The following ACTR3C variants were observed in gnomAD, a reference collection of about 807,000 sequenced individuals.
ACTR3C encodes the protein actin-related protein 3C.
Under a neutral mutation model 26.3 loss-of-function variants are expected in ACTR3C, and 18 were observed. The ratio of observed to expected loss-of-function variants is 0.68; its 90% CI spans 0.47 to 1.01. The LOEUF is 1.01. Among genes scored for constraint, ACTR3C ranks in the 50% least tolerant of loss-of-function variants. ACTR3C has a pLI of 0.00. For synonymous variants in ACTR3C, 55 were observed against 94.5 expected, an observed-to-expected ratio of 0.58 and a Z score of 2.42; for missense variants, 184 against 250.7, an observed-to-expected ratio of 0.73 and a Z score of 1.80.
At chr7:149,954,446 T>C in the ACTR3C span, among the ~76,000 whole-genome samples, 508 of 152,308 alleles carry the variant, frequency 3.3e-3, 25 homozygotes, top group East Asian at 0.088. Flanking sequence ...CTGCACATAT[T>C]TGGGGGGACA....
At chr7:150,011,293 G>C in the ACTR3C span, among the ~76,000 whole-genome samples, 13 of 151,786 alleles carry the variant, frequency 8.6e-5, no homozygotes, top group Admixed American at 8.5e-4. Context: ...ATTTGGCTTA[G>C]AAATAAATGC....
chr7:150,199,674 T>A, the ACTR3C span, among the ~76,000 whole-genome samples: 2 of 73,014 alleles, frequency 2.7e-5, no homozygotes, highest in African/African-American at 5.0e-5. Context: ...AAAACATTAA[T>A]AGTACAAGAA....
chr7:150,039,266 T>C, the ACTR3C span, among the ~76,000 whole-genome samples: 1 of 147,976 alleles, frequency 6.8e-6, no homozygotes, highest in African/African-American at 2.5e-5. Context: ...AATCTCTGCC[T>C]CGGGGGGGTG....
the ACTR3C span, among the ~76,000 whole-genome samples, chr7:149,922,818 C>T: frequency 6.6e-6 from 1 of 151,734 alleles, no homozygotes; most frequent in Non-Finnish European, 1.5e-5. Flanking sequence ...AGAACTTTTC[C>T]TAAATGAAGC....
At chr7:150,112,383 C>A in the ACTR3C span, among the ~76,000 whole-genome samples, 1 of 152,228 alleles carries the variant, frequency 6.6e-6, no homozygotes, top group Admixed American at 6.5e-5. Flanking sequence ...TGCACACACA[C>A]AGGCACACAC....
chr7:150,264,078 C>A (rs1833850660), intron 6 of ACTR3C, among the ~76,000 whole-genome samples: 1 of 152,202 alleles, frequency 6.6e-6, no homozygotes, highest in Non-Finnish European at 1.5e-5. Context: ...ACACACCACC[C>A]CACGAGTAGG....
chr7:150,276,810 G>A (rs1277882181), intron 6 of ACTR3C, among the ~76,000 whole-genome samples: 1 of 152,096 alleles, frequency 6.6e-6, no homozygotes, highest in African/African-American at 2.4e-5. Context: ...TGACCTCTCA[G>A]TGCCACTTAA....
At chr7:150,226,183 G>A in the ACTR3C span, among the ~76,000 whole-genome samples, 17 of 152,176 alleles carry the variant, frequency 1.1e-4, no homozygotes, top group Non-Finnish European at 1.6e-4. Context: ...TTGTGTGGAT[G>A]TAAGGTTTCA....
At chr7:149,913,630 A>C in the ACTR3C span, among the ~76,000 whole-genome samples, 2 of 151,432 alleles carry the variant, frequency 1.3e-5, no homozygotes, top group Non-Finnish European at 2.9e-5. Context: ...CTAAATGGGA[A>C]TCTCCAGAGA....
chr7:149,977,183 T>C, the ACTR3C span, among the ~76,000 whole-genome samples: 6 of 152,190 alleles, frequency 3.9e-5, no homozygotes, highest in African/African-American at 1.4e-4. Flanking sequence ...ATTATGTCCC[T>C]TTTTAGAAGC....
the ACTR3C span, among the ~76,000 whole-genome samples, chr7:150,035,211 C>G: frequency 1.4e-3 from 169 of 123,124 alleles, 4 homozygotes; most frequent in African/African-American, 2.9e-3. Flanking sequence ...CGGGGGGTGC[C>G]TCCCACCTCT....
At chr7:150,289,825 C>T (rs1301085572) in intron 3 of ACTR3C, among the ~76,000 whole-genome samples, 1 of 144,056 alleles carries the variant, frequency 6.9e-6, no homozygotes, top group Non-Finnish European at 1.5e-5. Context: ...CTGACACTCT[C>T]CAAAAGCAAC....
chr7:149,895,235 T>C, the ACTR3C span, among the ~76,000 whole-genome samples: 1 of 151,636 alleles, frequency 6.6e-6, no homozygotes, highest in South Asian at 2.1e-4. Context: ...TACAGGGGGC[T>C]GAGGCTGTTC....
At chr7:150,262,667 T>C (rs562698934) in intron 6 of ACTR3C, among the ~76,000 whole-genome samples, 1 of 152,320 alleles carries the variant, frequency 6.6e-6, no homozygotes, top group Non-Finnish European at 1.5e-5. Context: ...TGATAGCAAT[T>C]TTATATCATG....
At chr7:150,001,906 G>A in the ACTR3C span, 6 of 152,204 alleles carry the variant, frequency 3.9e-5, no homozygotes, top group African/African-American at 1.4e-4. Context: ...TTGGGAGAAA[G>A]GCTCACCAGT....
At chr7:150,189,049 G>A in the ACTR3C span, among the ~76,000 whole-genome samples, 4 of 151,158 alleles carry the variant, frequency 2.6e-5, no homozygotes, top group South Asian at 4.1e-4. Flanking sequence ...ACACCCCAGG[G>A]TTTATTCTAG....
chr7:150,045,368 A>G, the ACTR3C span, among the ~76,000 whole-genome samples: 3 of 152,244 alleles, frequency 2.0e-5, no homozygotes, highest in African/African-American at 7.2e-5. Context: ...TGTTGTTTTT[A>G]AAGGATGCAA....
At chr7:150,114,421 A>T in the ACTR3C span, among the ~76,000 whole-genome samples, 3 of 151,916 alleles carry the variant, frequency 2.0e-5, no homozygotes, top group Non-Finnish European at 4.4e-5. Flanking sequence ...TGTGTATCCA[A>T]TTTGGGGCCT....
At chr7:149,908,462 C>G in the ACTR3C span, among the ~76,000 whole-genome samples, 3 of 152,096 alleles carry the variant, frequency 2.0e-5, no homozygotes, top group African/African-American at 7.2e-5. Flanking sequence ...CTTAAATGTT[C>G]TCAAAGAATC....
Sources: gnomAD v4.1 joint callset for allele counts (sites outside exome capture counted in the v4.1 genomes callset) on GRCh38, gnomAD v4.1.1 for gene constraint, MANE v1.5 for transcripts, NCBI Gene and HGNC (gene_info 2026-07-23, HGNC 2026-07-21) for gene names.